Variants in IFITM10 observed in about 807,000 individuals in gnomAD.
IFITM10 encodes the protein interferon induced transmembrane protein 10.
In IFITM10, 17 loss-of-function variants were observed where a neutral mutation model predicts 19.0. The ratio of observed to expected loss-of-function variants is 0.90; its 90% confidence interval spans 0.61 to 1.34. The LOEUF (loss-of-function observed/expected upper bound fraction) is 1.34, where lower values mean the gene tolerates loss of function less well. Ranked by LOEUF, IFITM10 falls within the 40% of genes most tolerant of loss-of-function variation. IFITM10 has a pLI of 0.00. For missense variants in IFITM10, 306 were observed against 319.8 expected (o/e 0.96, Z 0.33); for synonymous variants, 148 against 147.2 (o/e 1.01, Z -0.04).
At chr11:1,743,818 G>A (rs901772407) in intron 2 of IFITM10, among the ~76,000 whole-genome samples, 2 of 151,832 alleles carry the variant, frequency 1.3e-5, no homozygotes. Flanking sequence ...GGCTTGTCTT[G>A]TCTCCTTCCC....
chr11:1,737,671 A>C (rs1054835644), intron 2 of IFITM10, among the ~76,000 whole-genome samples: 2 of 152,230 alleles, frequency 1.3e-5, no homozygotes, highest in African/African-American at 2.4e-5. Flanking sequence ...AGACAGCAGC[A>C]ATGAGGACAA....
At chr11:1,745,720 TCACA>T (rs1279134272) in intron 2 of IFITM10, 1 of 148,760 alleles carries the variant, frequency 6.7e-6, no homozygotes, top group Non-Finnish European at 1.5e-5. Flanking sequence ...GCACACACCC[TCACA>T]CACTTGTGTA....
At chr11:1,739,185 A>G (rs1485160633) in intron 2 of IFITM10, among the ~76,000 whole-genome samples, 4 of 152,034 alleles carry the variant, frequency 2.6e-5, no homozygotes, top group Admixed American at 2.6e-4. Flanking sequence ...TTCTGAATGC[A>G]CGCTGGATGG....
chr11:1,739,895 G>C (rs1483919789), intron 2 of IFITM10, among the ~76,000 whole-genome samples: 1 of 152,196 alleles, frequency 6.6e-6, no homozygotes, highest in Non-Finnish European at 1.5e-5. Context: ...GGTCAGAGGA[G>C]ACCATCCAGG....
At chr11:1,750,230 G>T in intron 1 of IFITM10, 129 bp downstream of exon 1, 1 of 1,495,028 alleles carries the variant, frequency 6.7e-7, no homozygotes, top group Non-Finnish European at 9.1e-7. Context: ...CTTGACGCCA[G>T]CTGATCTTCC....
At chr11:1,737,400 TAG>T (rs1565011080) in intron 2 of IFITM10, among the ~76,000 whole-genome samples, 1 of 152,214 alleles carries the variant, frequency 6.6e-6, no homozygotes, top group Non-Finnish European at 1.5e-5. Flanking sequence ...CAGCACAGCA[TAG>T]AGGTTAAAGC....
chr11:1,750,399 C>T lies in IFITM10; in HGVS notation c.44G>A (p.Arg15Gln), dbSNP rs769609349. 1.0e-5 allele frequency: 16 copies of T among 1,550,502 alleles called. No individual in the cohort carries two copies. Among genetic ancestry groups the T allele is most frequent in the Middle Eastern group, 1.7e-4 (1 of 5,994 alleles). ...KRGPPCILSF[R>Q]GTLERVEAQW... ...AGCCTCGACCCTCTCCAAAGTCCCC[C>T]GGAAGCTGAGGATGCATGGCGGCCC... is the stretch of plus-strand genomic sequence containing the variant. The change falls in exon 1 of 3, where the codon CGG (arginine) becomes CAG (glutamine). Residue 15 changes from arginine to glutamine, a missense_variant. By Grantham distance (43) the Arg-to-Gln change is conservative. Coordinates refer to ENST00000340134, the MANE Select transcript of IFITM10 (RefSeq NM_001170820.4).
intron 2 of IFITM10, among the ~76,000 whole-genome samples, chr11:1,738,781 C>A (rs974911875): frequency 1.8e-4 from 28 of 152,052 alleles, no homozygotes; most frequent in African/African-American, 6.3e-4. Context: ...AGAATGGAGG[C>A]CAGGCATGGT....
intron 2 of IFITM10, 79 bp from the exon 3 acceptor site, chr11:1,735,508 C>CGGT: frequency 7.4e-7 from 1 of 1,344,348 alleles, no homozygotes; most frequent in Admixed American, 2.2e-5. Flanking sequence ...CCAGCAGAGC[C>CGGT]GGTGCCACAG....
chr11:1,745,250 C>T (rs1455585791), intron 2 of IFITM10: 1 of 152,580 alleles, frequency 6.6e-6, no homozygotes, highest in East Asian at 1.9e-4. Flanking sequence ...CAGCCACAGC[C>T]TGAGCCAAGC....
At chr11:1,738,958 GC>G (rs1449081827) in intron 2 of IFITM10, among the ~76,000 whole-genome samples, 1 of 150,314 alleles carries the variant, frequency 6.7e-6, no homozygotes, top group Non-Finnish European at 1.5e-5. Context: ...GGAGGCTGAG[GC>G]AGGAGAATCG....
At chr11:1,739,925 G>A (rs1336056428) in intron 2 of IFITM10, among the ~76,000 whole-genome samples, 1 of 152,138 alleles carries the variant, frequency 6.6e-6, no homozygotes, top group East Asian at 1.9e-4. Context: ...CAGGCTCTGT[G>A]GGTGCTTTTT....
chr11:1,746,059 C>T (rs1489480253), intron 2 of IFITM10: 2 of 148,106 alleles, frequency 1.4e-5, no homozygotes, highest in Admixed American at 6.7e-5. Flanking sequence ...TTTACATGTG[C>T]CATGCACACT....
chr11:1,741,733 G>A (rs1845572339), intron 2 of IFITM10, among the ~76,000 whole-genome samples: 1 of 152,132 alleles, frequency 6.6e-6, no homozygotes, highest in South Asian at 2.1e-4. Flanking sequence ...AGGAAGGGAT[G>A]ACATATAAGT....
intron 1 of IFITM10, chr11:1,749,135 G>A (rs1043201805): frequency 5.2e-5 from 52 of 1,002,290 alleles, no homozygotes; most frequent in Non-Finnish European, 5.7e-5. Context: ...ACCTTGAGGG[G>A]GTGGGGAGCG....
chr11:1,741,656 A>G (rs1845571598), intron 2 of IFITM10, among the ~76,000 whole-genome samples: 1 of 152,114 alleles, frequency 6.6e-6, no homozygotes, highest in Non-Finnish European at 1.5e-5. Context: ...GGGTACAGAG[A>G]GGAACTGGCT....
At chr11:1,741,441 G>T (rs1242839207) in intron 2 of IFITM10, among the ~76,000 whole-genome samples, 2 of 152,032 alleles carry the variant, frequency 1.3e-5, no homozygotes, top group Non-Finnish European at 2.9e-5. Context: ...GGGTAGAGGA[G>T]AGGGAGGAGG....
chr11:1,747,661 GC>G lies in IFITM10; in HGVS notation c.537+5del, dbSNP rs1392622842. The G allele has an allele frequency of 2.7e-5, 42 of 1,551,346 alleles. No homozygotes were observed. Among genetic ancestry groups the G allele is most frequent in the Non-Finnish European group, 3.2e-5 (37 of 1,146,814 alleles). On this transcript the variant is annotated splice_donor_5th_base_variant and intron_variant, in intron 2 of 2. Coordinates refer to ENST00000340134, the MANE Select transcript of IFITM10 (RefSeq NM_001170820.4). Reference sequence around the variant, plus strand: ...GCCCTTGCCCCCTGCCACCGCCCGGGCTCACTTTGAGGGAGTAGGCCAAGGC... The same window carrying G: ...GCCCTTGCCCCCTGCCACCGCCCGGGTCACTTTGAGGGAGTAGGCCAAGGC...
At chr11:1,742,867 G>A (rs957172560) in intron 2 of IFITM10, among the ~76,000 whole-genome samples, 7 of 152,090 alleles carry the variant, frequency 4.6e-5, no homozygotes, top group African/African-American at 1.7e-4. Flanking sequence ...GTGGATGGAC[G>A]GAGGGAGGAT....
Sources: allele counts gnomAD v4.1 joint callset (sites outside exome capture counted in the v4.1 genomes callset), GRCh38; gene constraint gnomAD v4.1.1; transcripts MANE v1.5; gene names NCBI Gene and HGNC (gene_info 2026-07-23, HGNC 2026-07-21).